Variants in PECAM1 observed in about 807,000 individuals in gnomAD.
The protein encoded by PECAM1 is platelet endothelial cell adhesion molecule.
In PECAM1, 8 loss-of-function variants were observed where a neutral mutation model predicts 13.8. The observed-to-expected ratio is 0.58, with a 90% CI of 0.34 to 1.05. The LOEUF is 1.05. PECAM1 is among the 50% of genes least tolerant of loss of function. The probability of loss-of-function intolerance (pLI) is 0.03; values close to 1 mark genes in which losing one functional copy is unlikely to be tolerated. For missense variants in PECAM1, 304 were observed against 141.2 expected, an observed-to-expected ratio of 2.15 and a Z score of -5.84; for synonymous variants, 136 against 52.6, an observed-to-expected ratio of 2.58 and a Z score of -6.86.
chr17:64,374,743 C>G (rs1198745539), intron 4 of PECAM1, among the ~76,000 whole-genome samples: 2 of 151,534 alleles, frequency 1.3e-5, no homozygotes, highest in East Asian at 3.9e-4. Flanking sequence ...AAGATTGCAC[C>G]ACTGCACTCC....
chr17:64,335,124 C>T (rs989779175), intron 14 of PECAM1, among the ~76,000 whole-genome samples: 2 of 151,862 alleles, frequency 1.3e-5, no homozygotes, highest in East Asian at 3.9e-4. Context: ...GAGTGGGGTG[C>T]GCCAAACTAT....
Position 64,322,744 on chromosome 17 carries a change from C to T in PECAM1, c.*1072G>A. 1 of 934,922 alleles carries T rather than the reference C, an allele frequency of 1.1e-6. No individual in the cohort carries two copies. Among genetic ancestry groups the T allele is most frequent in the Non-Finnish European group, 1.3e-6 (1 of 783,910 alleles). 57.9% of individuals were successfully genotyped at this position (934,922 alleles called of 1,614,324 possible). A position where few individuals can be genotyped will look rare whatever the true frequency, so the allele number is the denominator to read the frequency against. On this transcript the variant is annotated 3_prime_UTR_variant, in exon 16 of 16. Coordinates refer to ENST00000563924, the MANE Select transcript of PECAM1 (RefSeq NM_000442.5). Reference sequence around the variant, plus strand: ...TTTTTTGTTTTTTTTGAGATGGATTCTCACTCTGTCACTCAGGCTGGAGTG... The same window carrying T: ...TTTTTTGTTTTTTTTGAGATGGATTTTCACTCTGTCACTCAGGCTGGAGTG...
At chr17:64,378,647 A>AG (rs1491294198) in intron 2 of PECAM1, among the ~76,000 whole-genome samples, 1 of 123,938 alleles carries the variant, frequency 8.1e-6, no homozygotes, top group African/African-American at 4.5e-5. Context: ...CTCAAAAGAC[A>AG]AAAAAAAAAA....
chr17:64,348,656 T>C (rs1395620894), intron 12 of PECAM1, among the ~76,000 whole-genome samples: 3 of 152,176 alleles, frequency 2.0e-5, no homozygotes, highest in African/African-American at 7.2e-5. Flanking sequence ...CAGGCTGGTT[T>C]TGAACTCCTG....
intron 2 of PECAM1, among the ~76,000 whole-genome samples, chr17:64,380,497 G>T (rs2036459277): frequency 1.3e-5 from 2 of 152,266 alleles, no homozygotes; most frequent in Admixed American, 1.3e-4. Flanking sequence ...TACCTATCCA[G>T]CATTTGGACC....
chr17:64,377,218 C>CA (rs2036379686), intron 3 of PECAM1, among the ~76,000 whole-genome samples: 1 of 152,172 alleles, frequency 6.6e-6, no homozygotes, highest in Non-Finnish European at 1.5e-5. Flanking sequence ...GGCCTTTATA[C>CA]ACACAAATAC....
intron 13 of PECAM1, among the ~76,000 whole-genome samples, chr17:64,347,933 G>A (rs1294674217): frequency 6.6e-6 from 1 of 151,784 alleles, no homozygotes; most frequent in African/African-American, 2.4e-5. Flanking sequence ...GTTTTATCAT[G>A]TTGGTCAGGC....
intron 14 of PECAM1, among the ~76,000 whole-genome samples, chr17:64,340,839 T>C (rs1430243447): frequency 1.3e-5 from 2 of 152,172 alleles, no homozygotes; most frequent in African/African-American, 2.4e-5. Flanking sequence ...GGCTCACACT[T>C]GTAATCCCAG....
At chr17:64,365,076 T>A (rs1264511922) in intron 5 of PECAM1, among the ~76,000 whole-genome samples, 1 of 151,764 alleles carries the variant, frequency 6.6e-6, no homozygotes, top group Non-Finnish European at 1.5e-5. Context: ...GAAAACCCCA[T>A]TGTCTCAGCC....
In PECAM1 at chr17:64,322,084, T is replaced by A; in HGVS notation, c.*1732A>T. ...AGCTTTCATCATATTGTCAAAAGAG[T>A]CTAGGCTGGGCATGGTGGCTCACGC... On this transcript the variant is annotated 3_prime_UTR_variant, in exon 16 of 16. Transcript: ENST00000563924. The A allele has an allele frequency of 9.0e-7, 1 of 1,114,130 alleles. No individual in the cohort carries two copies. Among genetic ancestry groups the A allele is most frequent in the South Asian group, 1.9e-5 (1 of 51,742 alleles). The allele number at this position is 1,114,130 out of a possible 1,614,324, so 69.0% of individuals were successfully genotyped here.
At chr17:64,358,010 A>G (rs1347392974) in intron 7 of PECAM1, among the ~76,000 whole-genome samples, 1 of 148,640 alleles carries the variant, frequency 6.7e-6, no homozygotes, top group African/African-American at 2.5e-5. Flanking sequence ...GGCACCTGAC[A>G]CCTGTCACGC....
chr17:64,327,743 A>G (rs2034996587), intron 15 of PECAM1, among the ~76,000 whole-genome samples: 1 of 152,250 alleles, frequency 6.6e-6, no homozygotes, highest in South Asian at 2.1e-4. Context: ...CCATTGAAGC[A>G]AGTCAAACAA....
chr17:64,344,788 G>A (rs2035522787), intron 13 of PECAM1, among the ~76,000 whole-genome samples: 2 of 152,114 alleles, frequency 1.3e-5, no homozygotes, highest in East Asian at 1.9e-4. Flanking sequence ...TGCCAAGGAG[G>A]AGGACGGGTC....
At chr17:64,363,480 G>T in intron 5 of PECAM1, 83 bp from the exon 6 acceptor site, 1 of 470,606 alleles carries the variant, frequency 2.1e-6, no homozygotes. Context: ...CTTGGCTCAG[G>T]TGCTCTTGGC....
chr17:64,327,392 A>G (rs1292740031), intron 15 of PECAM1, among the ~76,000 whole-genome samples: 12 of 152,198 alleles, frequency 7.9e-5, no homozygotes, highest in African/African-American at 2.9e-4. Context: ...CACTTTATAG[A>G]TAAGGAAGCT....
At chr17:64,338,811 G>T (rs1336880014) in intron 14 of PECAM1, among the ~76,000 whole-genome samples, 2 of 151,968 alleles carry the variant, frequency 1.3e-5, no homozygotes, top group Admixed American at 6.6e-5. Context: ...CACCCGCCTC[G>T]GCCTCCCAAA....
rs2034834824 is a variant in PECAM1, at chr17:64,322,699, T to C, written c.*1117A>G. 1 of 979,940 alleles carries C rather than the reference T, an allele frequency of 1.0e-6. No individual in the cohort carries two copies. The highest frequency in any genetic ancestry group is 4.8e-5 in the South Asian group (1 of 20,868). The allele number at this position is 979,940 out of a possible 1,614,324, so 60.7% of individuals were successfully genotyped here. ...ATGTCTTAAGACCTCAGGAGACCAC[T>C]TCTTTAGCAAGCAATTTTGTTTTTT... On this transcript the variant is annotated 3_prime_UTR_variant, in exon 16 of 16. Transcript: ENST00000563924.
At chr17:64,328,557 G>GA (rs1221211556) in intron 15 of PECAM1, among the ~76,000 whole-genome samples, 13 of 151,642 alleles carry the variant, frequency 8.6e-5, no homozygotes, top group Non-Finnish European at 1.6e-4. Context: ...TTTTGGCTAG[G>GA]AAAAAAAACA....
At chr17:64,380,658 T>A (rs2036462738) in intron 2 of PECAM1, among the ~76,000 whole-genome samples, 1 of 152,208 alleles carries the variant, frequency 6.6e-6, no homozygotes, top group African/African-American at 2.4e-5. Context: ...TGACATGATA[T>A]GTAAAAACCT....
Sources: gnomAD v4.1 joint callset for allele counts (sites outside exome capture counted in the v4.1 genomes callset) on GRCh38, gnomAD v4.1.1 for gene constraint, MANE v1.5 for transcripts, NCBI Gene and HGNC (gene_info 2026-07-23, HGNC 2026-07-21) for gene names.